Variants in NRXN3 observed in about 807,000 individuals in gnomAD.
The protein encoded by NRXN3 is neurexin 3, also known as neurexin III.
Under a neutral mutation model 137.6 loss-of-function variants are expected in NRXN3, and 32 were observed. The ratio of observed to expected loss-of-function variants is 0.23; its 90% CI spans 0.18 to 0.31. NRXN3 has a LOEUF of 0.31. NRXN3 is among the 10% of genes least tolerant of loss of function. NRXN3 has a pLI of 1.00. For synonymous variants in NRXN3, 798 were observed against 784.5 expected (o/e 1.02, Z -0.29); for missense variants, 1,574 against 2,062.5 (o/e 0.76, Z 4.59).
intron 16 of NRXN3, among the ~76,000 whole-genome samples, chr14:79,562,812 A>G (rs2097511700): frequency 6.6e-6 from 1 of 152,200 alleles, no homozygotes; most frequent in Non-Finnish European, 1.5e-5. Context: ...GACTGTACAA[A>G]TAAAAAAATG....
rs190371672 is a variant in NRXN3 at position 78,176,007 on chromosome 14, G to A, written c.-704+5333G>A. On this transcript the variant is annotated intron_variant, in intron 1 of 20. Coordinates refer to ENST00000335750, the MANE Select transcript of NRXN3 (RefSeq NM_001330195.2). ...GTGTTCATTGTGGTGTTCCTAGTGC[G>A]TAGGACATTTCCTGACACGTAGTAG... Among the ~76,000 whole-genome samples the A allele has an allele frequency of 9.2e-5, 14 of 152,320 alleles. 1 individual carries two copies. The highest frequency in any genetic ancestry group is 3.1e-4 in the African/African-American group (13 of 41,564).
chr14:78,910,329 G>A (rs1437781609), intron 10 of NRXN3, among the ~76,000 whole-genome samples: 2 of 152,004 alleles, frequency 1.3e-5, no homozygotes, highest in African/African-American at 4.8e-5. Context: ...TCATTTGTGG[G>A]GTGCAGATAT....
At chr14:78,485,720 T>C (rs1288091395) in intron 4 of NRXN3, among the ~76,000 whole-genome samples, 3 of 152,240 alleles carry the variant, frequency 2.0e-5, no homozygotes, top group East Asian at 1.9e-4. Context: ...CTTCATTTTC[T>C]TATCTCTTCT....
intron 16 of NRXN3, among the ~76,000 whole-genome samples, chr14:79,504,185 C>A (rs535689283): frequency 2.0e-5 from 3 of 152,274 alleles, no homozygotes; most frequent in Admixed American, 2.0e-4. Flanking sequence ...GAAGACCAAA[C>A]CTCTACTCTA....
At chr14:79,358,662 AAAGAAAGT>A (rs1380568769) in intron 15 of NRXN3, among the ~76,000 whole-genome samples, 2 of 150,596 alleles carry the variant, frequency 1.3e-5, no homozygotes, top group African/African-American at 4.9e-5. Flanking sequence ...AGAAAGAAAG[AAAGAAAGT>A]GTCCTAAAAG....
chr14:78,416,388 T>C (rs1193933558), intron 4 of NRXN3, among the ~76,000 whole-genome samples: 2 of 151,904 alleles, frequency 1.3e-5, no homozygotes, highest in East Asian at 3.9e-4. Context: ...AAGAAAAGGG[T>C]CTGTTGTATG....
chr14:79,773,589 G>C (rs1313468597), intron 19 of NRXN3, among the ~76,000 whole-genome samples: 18 of 137,638 alleles, frequency 1.3e-4, no homozygotes, highest in African/African-American at 4.9e-4. Context: ...GAGAACACAT[G>C]GACACAGGAA....
chr14:79,569,115 A>T (rs1222485591), intron 16 of NRXN3, among the ~76,000 whole-genome samples: 1 of 151,972 alleles, frequency 6.6e-6, no homozygotes, highest in African/African-American at 2.4e-5. Flanking sequence ...ACAAACACAG[A>T]TCTAAGATGT....
chr14:78,746,087 G>A (rs957753034), intron 8 of NRXN3, among the ~76,000 whole-genome samples: 3 of 152,178 alleles, frequency 2.0e-5, no homozygotes, highest in African/African-American at 7.2e-5. Context: ...AACACATTCT[G>A]CAAAAGGACT....
chr14:78,246,217 G>GA (rs1258813135), intron 2 of NRXN3, among the ~76,000 whole-genome samples: 5 of 151,668 alleles, frequency 3.3e-5, no homozygotes, highest in East Asian at 3.9e-4. Context: ...TTTTCCGCAG[G>GA]AAAAAAAATC....
chr14:79,676,865 A>G (rs1425555782), intron 17 of NRXN3, among the ~76,000 whole-genome samples: 1 of 152,068 alleles, frequency 6.6e-6, no homozygotes, highest in East Asian at 1.9e-4. Context: ...TAGAAAGCAT[A>G]TACTGCCAGA....
chr14:79,170,823 A>T (rs1028118574), intron 15 of NRXN3, among the ~76,000 whole-genome samples: 2 of 152,012 alleles, frequency 1.3e-5, no homozygotes, highest in African/African-American at 4.8e-5. Flanking sequence ...TTCAAGAGAA[A>T]ATTATAGTTT....
chr14:79,279,513 G>A (rs1432191102), intron 15 of NRXN3: 2 of 986,022 alleles, frequency 2.0e-6, no homozygotes, highest in Non-Finnish European at 2.4e-6. Context: ...CCTCCACCCC[G>A]TGCCACGTTG....
intron 20 of NRXN3, among the ~76,000 whole-genome samples, chr14:79,847,527 T>A (rs2099381876): frequency 6.6e-6 from 1 of 152,162 alleles, no homozygotes; most frequent in African/African-American, 2.4e-5. Context: ...CTCACTTTTC[T>A]TATTCAAAAA....
At chr14:79,268,691 G>A (rs1403862294) in intron 15 of NRXN3, among the ~76,000 whole-genome samples, 2 of 152,116 alleles carry the variant, frequency 1.3e-5, no homozygotes, top group Admixed American at 6.5e-5. Flanking sequence ...CATTTAGACC[G>A]TAGACACAGT....
At chr14:79,429,164 T>C (rs1172338063) in intron 15 of NRXN3, among the ~76,000 whole-genome samples, 1 of 152,016 alleles carries the variant, frequency 6.6e-6, no homozygotes, top group Non-Finnish European at 1.5e-5. Context: ...GTTAAGCAAA[T>C]ATAGATGAGC....
chr14:79,414,374 G>A (rs1021769190), intron 15 of NRXN3, among the ~76,000 whole-genome samples: 1 of 151,804 alleles, frequency 6.6e-6, no homozygotes, highest in African/African-American at 2.4e-5. Context: ...GTCTTTTTTT[G>A]TTTCCTTAGA....
chr14:79,593,369 A>G (rs11852116), intron 16 of NRXN3, among the ~76,000 whole-genome samples: 52,829 of 151,954 alleles, frequency 0.35, 9,808 homozygotes, highest in African/African-American at 0.47. Flanking sequence ...GGTGGCTCAC[A>G]CCTGTAATCC....
intron 4 of NRXN3, among the ~76,000 whole-genome samples, chr14:78,615,462 T>A (rs909045262): frequency 2.4e-5 from 3 of 127,574 alleles, no homozygotes; most frequent in African/African-American, 9.7e-5. Flanking sequence ...AAAAAAAAAA[T>A]TAGTCTGTTG....
Sources: gnomAD v4.1 joint callset for allele counts (sites outside exome capture counted in the v4.1 genomes callset) on GRCh38, gnomAD v4.1.1 for gene constraint, MANE v1.5 for transcripts, NCBI Gene and HGNC (gene_info 2026-07-23, HGNC 2026-07-21) for gene names.